SPNS3: variants seen among roughly 807,000 people sequenced by gnomAD.
The protein encoded by SPNS3 is SPNS lysolipid transporter 3, sphingosine-1-phosphate (putative), also known as protein spinster homolog 3.
Under a neutral mutation model 54.4 loss-of-function variants are expected in SPNS3, and 51 were observed. The ratio of observed to expected loss-of-function variants is 0.94; its 90% CI spans 0.75 to 1.18. SPNS3 has a LOEUF of 1.18. Among genes scored for constraint, SPNS3 ranks in the 50% most tolerant of loss-of-function variants. The pLI is 0.00. For missense variants in SPNS3, 669 were observed against 677.4 expected (o/e 0.99, Z 0.14); for synonymous variants, 309 against 294.7 (o/e 1.05, Z -0.50).
intron 9 of SPNS3, among the ~76,000 whole-genome samples, chr17:4,480,951 G>A (rs368878377): frequency 1.1e-4 from 16 of 152,140 alleles, no homozygotes; most frequent in Admixed American, 6.5e-4. Context: ...CCTATAGTTC[G>A]GTTCCTCCAT....
chr17:4,469,637 A>C (rs1365210278), intron 8 of SPNS3, among the ~76,000 whole-genome samples: 4 of 151,700 alleles, frequency 2.6e-5, no homozygotes, highest in Middle Eastern at 3.2e-3. Context: ...AAAAAAAAAA[A>C]AAAGCAATTG....
chr17:4,476,045 C>T (rs1971987566), intron 8 of SPNS3, among the ~76,000 whole-genome samples: 1 of 152,210 alleles, frequency 6.6e-6, no homozygotes, highest in Non-Finnish European at 1.5e-5. Flanking sequence ...CCCAGGCCCG[C>T]TCAGCAAGGC....
chr17:4,449,681 G>A (rs1214482642), intron 7 of SPNS3, among the ~76,000 whole-genome samples: 17 of 152,234 alleles, frequency 1.1e-4, no homozygotes, highest in Non-Finnish European at 2.4e-4. Flanking sequence ...GGAAATGGGG[G>A]TGAGGCTTCT....
chr17:4,450,678 T>A (rs1198934807), intron 7 of SPNS3, among the ~76,000 whole-genome samples: 1 of 151,278 alleles, frequency 6.6e-6, no homozygotes, highest in African/African-American at 2.4e-5. Flanking sequence ...CTGACTGCAG[T>A]TTCCACCTCC....
At chr17:4,451,094 T>C (rs1971151706) in intron 7 of SPNS3, among the ~76,000 whole-genome samples, 1 of 152,054 alleles carries the variant, frequency 6.6e-6, no homozygotes, top group South Asian at 2.1e-4. Context: ...CTAAGTCTCA[T>C]GAATATCTCG....
intron 8 of SPNS3, among the ~76,000 whole-genome samples, chr17:4,464,438 C>T (rs1291547103): frequency 2.0e-5 from 3 of 152,140 alleles, no homozygotes; most frequent in African/African-American, 7.2e-5. Context: ...GCTATCCCCC[C>T]TTAGGTGGGC....
At position 4,477,970 on chromosome 17, in the gene SPNS3, C is replaced by CTTTTTTTTTTTTTTT. The variant is rs397837193; in HGVS notation, c.1114-597_1114-583dup. Among the ~76,000 whole-genome samples, 62 of 97,600 alleles carry CTTTTTTTTTTTTTTT rather than the reference C, an allele frequency of 6.4e-4. 3 individuals are homozygous for CTTTTTTTTTTTTTTT. The highest frequency in any genetic ancestry group is 1.7e-3 in the African/African-American group (37 of 21,914). 64.0% of individuals were successfully genotyped at this position (97,600 alleles called of 152,430 possible). A position where few individuals can be genotyped will look rare whatever the true frequency, so the allele number is the denominator to read the frequency against. ...AAAGTCTGTTTTTTTTTCACTTTTC[C>CTTTTTTTTTTTTTTT]TTTTTTTTTTTTTTTTTTTGAGGCG... On this transcript the variant is annotated intron_variant, in intron 8 of 11. Transcript: ENST00000355530.
Position 4,434,114 on chromosome 17 carries a change from C to T in SPNS3, c.147C>T (p.Ala49=), listed in dbSNP as rs775742499. The T allele has an allele frequency of 2.8e-5, 45 of 1,612,340 alleles. No individual in the cohort carries two copies. Among genetic ancestry groups the T allele is most frequent in the Middle Eastern group, 1.6e-4 (1 of 6,070 alleles). Residue 49 remains alanine (A), a synonymous_variant, in exon 1 of 12, where the codon GCC becomes GCT. Coordinates refer to ENST00000355530, the MANE Select transcript of SPNS3 (RefSeq NM_182538.5). ...LPPWRAYVAA[A]VLCYINLLNY... ...CGTGGAGGGCCTACGTGGCTGCCGC[C>T]GTCCTCTGCTACATCAACCTCCTGA...
At chr17:4,447,052 C>T in intron 5 of SPNS3, 90 bp downstream of exon 5, 1 of 1,398,358 alleles carries the variant, frequency 7.2e-7, no homozygotes, top group South Asian at 1.2e-5. Flanking sequence ...CTTGGCGTAG[C>T]ACCCGGCGCC....
intron 9 of SPNS3, among the ~76,000 whole-genome samples, chr17:4,484,616 C>T (rs1230766656): frequency 3.9e-5 from 6 of 152,114 alleles, no homozygotes; most frequent in Non-Finnish European, 8.8e-5. Context: ...CCACTGTGCC[C>T]AGCTAATATT....
chr17:4,446,120 A>T lies in SPNS3; in HGVS notation c.475A>T (p.Thr159Ser). Residue 159 changes from threonine (T) to serine (S), a missense_variant, in exon 4 of 12, where the codon ACC (threonine) becomes TCC (serine). Thr to Ser is a moderately conservative substitution (Grantham distance 58, BLOSUM62 1). Transcript: ENST00000355530. Reference sequence around the variant, plus strand: ...GGCCAGCTACTCCACCATCGCGCCCACCGTCCTGGGCGACCTCTTCGTGAG... The same window carrying T: ...GGCCAGCTACTCCACCATCGCGCCCTCCGTCCTGGGCGACCTCTTCGTGAG... ...GSASYSTIAPTVLGDLFVRDQ... is the reference protein window; with the variant it reads ...GSASYSTIAPSVLGDLFVRDQ... 6.2e-7 allele frequency: 1 copy of T among 1,613,270 alleles called. No homozygotes were observed. Among genetic ancestry groups the T allele is most frequent in the Non-Finnish European group, 8.5e-7 (1 of 1,179,524 alleles).
chr17:4,456,806 C>T (rs1472965379), intron 8 of SPNS3, among the ~76,000 whole-genome samples: 1 of 152,110 alleles, frequency 6.6e-6, no homozygotes, highest in East Asian at 1.9e-4. Context: ...CCTCTGCCTC[C>T]CAGGTTCAAG....
At chr17:4,442,017 T>TGTGTGTGTGTGTGTGTGTGTGTGTGTGTG (rs10692534) in intron 2 of SPNS3, among the ~76,000 whole-genome samples, 1 of 150,574 alleles carries the variant, frequency 6.6e-6, no homozygotes, top group Non-Finnish European at 1.5e-5. Flanking sequence ...TGTGTGTGTG[T>TGTGTGTGTGTGTGTGTGTGTGTGTGTGTG]TTGGCAGTAG....
At position 4,446,073 on chromosome 17, in the gene SPNS3, G is replaced by A. The variant is rs767534601; in HGVS notation, c.428G>A (p.Arg143Gln). ...PRYSWLFFLS[R>Q]GIVGTGSASY... ...TATTCTTGGCTCTTCTTCCTGTCCCGGGGCATCGTGGGCACTGGCTCGGCC... is the reference window on the plus strand; with the variant it reads ...TATTCTTGGCTCTTCTTCCTGTCCCAGGGCATCGTGGGCACTGGCTCGGCC... The change falls in exon 4 of 12, where the codon CGG (arginine) becomes CAG (glutamine). Residue 143 changes from arginine (R) to glutamine (Q), a missense_variant. Physicochemically the swap from Arg to Gln is conservative, Grantham distance 43 (BLOSUM62 1). Coordinates refer to ENST00000355530, the MANE Select transcript of SPNS3 (RefSeq NM_182538.5). The A allele has an allele frequency of 1.1e-5, 18 of 1,610,900 alleles. No homozygotes were observed. The highest frequency in any genetic ancestry group is 3.3e-5 in the Admixed American group (2 of 59,780).
intron 8 of SPNS3, among the ~76,000 whole-genome samples, chr17:4,477,070 G>T (rs746937216): frequency 2.0e-5 from 3 of 152,152 alleles, no homozygotes; most frequent in Non-Finnish European, 4.4e-5. Context: ...ATTCCCCAGT[G>T]CTAGCCTCAC....
chr17:4,474,413 G>T (rs1567573039), intron 8 of SPNS3, among the ~76,000 whole-genome samples: 2 of 152,088 alleles, frequency 1.3e-5, no homozygotes, highest in South Asian at 4.1e-4. Flanking sequence ...AGGAGGTTTG[G>T]GTCTCAGCTC....
At chr17:4,465,453 C>T (rs570098777) in intron 8 of SPNS3, among the ~76,000 whole-genome samples, 88 of 152,154 alleles carry the variant, frequency 5.8e-4, no homozygotes, top group African/African-American at 1.7e-3. Flanking sequence ...CTAGGCCATG[C>T]GCAGTGGCTC....
intron 2 of SPNS3, among the ~76,000 whole-genome samples, chr17:4,444,716 G>A (rs1007166789): frequency 1.3e-5 from 2 of 152,068 alleles, no homozygotes; most frequent in South Asian, 2.1e-4. Context: ...CTGACGCTCC[G>A]CATTCAGTTC....
rs34349047 is a variant in SPNS3 at position 4,434,107 on chromosome 17, C to G, written c.140C>G (p.Ala47Gly). 290 of 1,612,474 alleles carry G rather than the reference C, an allele frequency of 1.8e-4. 2 individuals carry two copies. In the African/African-American group the frequency reaches 2.1e-3, roughly 12 times the overall value. ...CTGCCCCCGTGGAGGGCCTACGTGG[C>G]TGCCGCCGTCCTCTGCTACATCAAC... The part of the protein sequence containing the change: ...WSLPPWRAYV[A>G]AAVLCYINLL... The change falls in exon 1 of 12, where the codon GCT (alanine) becomes GGT (glycine). Residue 47 changes from alanine (A) to glycine (G), a missense_variant. Coordinates refer to ENST00000355530, the MANE Select transcript of SPNS3 (RefSeq NM_182538.5).
Sources: gnomAD v4.1 joint callset for allele counts (sites outside exome capture counted in the v4.1 genomes callset) on GRCh38, gnomAD v4.1.1 for gene constraint, MANE v1.5 for transcripts, NCBI Gene and HGNC (gene_info 2026-07-23, HGNC 2026-07-21) for gene names.